Variants in SORCS1 observed in about 807,000 individuals in gnomAD.
SORCS1 encodes sortilin related VPS10 domain containing receptor 1, also known as VPS10 domain-containing receptor SorCS1.
SORCS1 carries 60 observed loss-of-function variants against 146.1 expected under a neutral mutation model. The ratio of observed to expected loss-of-function variants is 0.41; its 90% CI spans 0.33 to 0.51. The LOEUF is 0.51. SORCS1 is among the 20% of genes least tolerant of loss of function. The pLI, the probability that SORCS1 is intolerant of heterozygous loss-of-function variation, is 0.21. For synonymous variants in SORCS1, 637 were observed against 584.0 expected, an observed-to-expected ratio of 1.09 and a Z score of -1.31; for missense variants, 1,352 against 1,487.6, an observed-to-expected ratio of 0.91 and a Z score of 1.50.
At chr10:106,723,395 G>GCACACA (rs34071599) in intron 6 of SORCS1, among the ~76,000 whole-genome samples, 1,776 of 149,198 alleles carry the variant, frequency 0.012, 24 homozygotes, top group South Asian at 0.046. Flanking sequence ...CTCCTACGAT[G>GCACACA]CACACACACA....
chr10:106,626,317 G>T (rs748134175), intron 19 of SORCS1, among the ~76,000 whole-genome samples: 12 of 152,198 alleles, frequency 7.9e-5, no homozygotes, highest in South Asian at 4.1e-4. Context: ...CATATATTTT[G>T]CTTGATGGGA....
In SORCS1 at chr10:106,576,652, T is replaced by A. The variant is rs1223795224; in HGVS notation, c.*768A>T. ...CTACCGGCACAAAGGGATCTTCAAC[T>A]CGCATCTTTGTTCCTGTGGCCACAG... On this transcript the variant is annotated 3_prime_UTR_variant, in exon 26 of 26. Transcript: ENST00000263054. 6.6e-6 allele frequency: 1 copy of A among 152,262 alleles called. No individual in the cohort carries two copies. Among genetic ancestry groups the A allele is most frequent in the Non-Finnish European group, 1.5e-5 (1 of 68,096 alleles). 9.4% of individuals were successfully genotyped at this position (152,262 alleles called of 1,614,324 possible). A position where few individuals can be genotyped will look rare whatever the true frequency, so the allele number is the denominator to read the frequency against.
intron 3 of SORCS1, among the ~76,000 whole-genome samples, chr10:106,786,410 C>A (rs1332698214): frequency 6.6e-6 from 1 of 152,142 alleles, no homozygotes; most frequent in Non-Finnish European, 1.5e-5. Context: ...CAGGACCCCC[C>A]ATGTGGCTGA....
chr10:106,649,993 C>T (rs1284905518), intron 18 of SORCS1, among the ~76,000 whole-genome samples: 3 of 152,108 alleles, frequency 2.0e-5, no homozygotes, highest in African/African-American at 7.2e-5. Context: ...CCTTTTCTCA[C>T]ATTCATGAAC....
At chr10:106,645,092 T>C (rs1306430104) in intron 18 of SORCS1, among the ~76,000 whole-genome samples, 1 of 151,984 alleles carries the variant, frequency 6.6e-6, no homozygotes, top group African/African-American at 2.4e-5. Context: ...TAGCATTATA[T>C]GAATGACCAG....
rs1948453994 is a variant in SORCS1 at position 106,829,635 on chromosome 10, T to C, written c.665A>G (p.Asp222Gly). The change falls in exon 3 of 26, where the codon GAT becomes GGT. Residue 222 changes from aspartate (D) to glycine (G), a missense_variant. Coordinates refer to ENST00000263054, the MANE Select transcript of SORCS1 (RefSeq NM_052918.5). ...DYGTTYEKLN[D>G]KVGLKTILSY... ...CAAAATGGTTTTCAAACCAACTTTA[T>C]CATTCAGCTTCTCATAGGTTGTTCC... 6.2e-7 allele frequency: 1 copy of C among 1,608,326 alleles called. No individual in the cohort carries two copies. The highest frequency in any genetic ancestry group is 8.5e-7 in the Non-Finnish European group (1 of 1,175,478).
intron 5 of SORCS1, among the ~76,000 whole-genome samples, chr10:106,744,155 A>G (rs1255988862): frequency 6.6e-6 from 1 of 152,052 alleles, no homozygotes; most frequent in African/African-American, 2.4e-5. Flanking sequence ...CCCAGGCTGG[A>G]GTGCAGTGGC....
At chr10:106,632,559 A>G (rs1420518507) in intron 18 of SORCS1, among the ~76,000 whole-genome samples, 1 of 152,198 alleles carries the variant, frequency 6.6e-6, no homozygotes, top group African/African-American at 2.4e-5. Flanking sequence ...CGCTCTGGTC[A>G]TTCACTCATT....
At chr10:106,929,677 A>AGCTG (rs1432807335) in intron 2 of SORCS1, among the ~76,000 whole-genome samples, 1 of 152,154 alleles carries the variant, frequency 6.6e-6, no homozygotes, top group Admixed American at 6.5e-5. Context: ...CGTCAACTTA[A>AGCTG]GCTGCTGTTC....
intron 1 of SORCS1, among the ~76,000 whole-genome samples, chr10:106,958,716 G>A (rs572521798): frequency 5.3e-5 from 8 of 152,124 alleles, no homozygotes; most frequent in East Asian, 1.9e-4. Flanking sequence ...TGTGAGGTGC[G>A]GGGCACCCCA....
chr10:106,851,002 G>A (rs886471558), intron 2 of SORCS1, among the ~76,000 whole-genome samples: 1 of 152,062 alleles, frequency 6.6e-6, no homozygotes, highest in African/African-American at 2.4e-5. Context: ...TCCAACAACA[G>A]GTCCCAGTGT....
At chr10:106,577,863 A>C (rs1469885510) in intron 25 of SORCS1, 5 of 250,978 alleles carry the variant, frequency 2.0e-5, no homozygotes, top group Non-Finnish European at 3.1e-5. Context: ...TCCAAATAAA[A>C]GAAAGTGCAC....
chr10:106,674,327 T>TAAAAAAAAAAAA (rs1851852087), intron 14 of SORCS1, among the ~76,000 whole-genome samples: 1 of 1,410 alleles, frequency 7.1e-4, no homozygotes, highest in Non-Finnish European at 2.3e-3. Context: ...AGACTCCGTC[T>TAAAAAAAAAAAA]CAAAAAAAAA....
chr10:106,949,555 C>T (rs1461355100), intron 2 of SORCS1, among the ~76,000 whole-genome samples: 1 of 152,192 alleles, frequency 6.6e-6, no homozygotes, highest in African/African-American at 2.4e-5. Flanking sequence ...GGGAACTTCT[C>T]TTGATAATCA....
intron 2 of SORCS1, among the ~76,000 whole-genome samples, chr10:106,884,788 T>G (rs568956985): frequency 1.3e-5 from 2 of 152,214 alleles, no homozygotes; most frequent in South Asian, 4.1e-4. Context: ...TATCCAATAG[T>G]TAGAATTTTT....
intron 3 of SORCS1, among the ~76,000 whole-genome samples, chr10:106,805,453 C>T (rs1295267872): frequency 6.6e-6 from 1 of 152,156 alleles, no homozygotes; most frequent in African/African-American, 2.4e-5. Flanking sequence ...CTGCAGTAGA[C>T]ATCAAAGGAA....
rs187553734 is a variant in SORCS1 at position 106,901,523 on chromosome 10, A to G, written c.626+54990T>C. Among the ~76,000 whole-genome samples the G allele has an allele frequency of 3.3e-5, 5 of 152,212 alleles. No individual in the cohort carries two copies. The East Asian group carries it at 9.7e-4, about 29-fold the overall frequency. On this transcript the variant is annotated intron_variant, in intron 2 of 25. Transcript: ENST00000263054. ...TCTCGGCTCACTGCAGCCTCAAACT[A>G]CTGGGTTCAAGTGATCCTCCTGCCT...
chr10:106,855,669 C>CT (rs1244710398), intron 2 of SORCS1, among the ~76,000 whole-genome samples: 1 of 152,176 alleles, frequency 6.6e-6, no homozygotes, highest in Non-Finnish European at 1.5e-5. Flanking sequence ...ATGAGCTCAT[C>CT]AAAGGCATTC....
At chr10:107,090,965 G>T (rs1964142857) in intron 1 of SORCS1, among the ~76,000 whole-genome samples, 1 of 151,986 alleles carries the variant, frequency 6.6e-6, no homozygotes, top group African/African-American at 2.4e-5. Context: ...ATTGGTGAGT[G>T]AAATGAAAGA....
Sources: gnomAD v4.1 joint callset for allele counts (sites outside exome capture counted in the v4.1 genomes callset) on GRCh38, gnomAD v4.1.1 for gene constraint, MANE v1.5 for transcripts, NCBI Gene and HGNC (gene_info 2026-07-23, HGNC 2026-07-21) for gene names.